Variants in TP53BP2 observed in about 807,000 individuals in gnomAD.
TP53BP2 encodes tumor protein p53 binding protein 2.
Under a neutral mutation model 126.2 loss-of-function variants are expected in TP53BP2, and 62 were observed. That is an observed-to-expected ratio of 0.49 (90% CI 0.40 to 0.61). The LOEUF (loss-of-function observed/expected upper bound fraction) is 0.61, where lower values mean the gene tolerates loss of function less well. Among genes scored for constraint, TP53BP2 ranks in the 20% least tolerant of loss-of-function variants. TP53BP2 has a pLI of 0.00. For synonymous variants in TP53BP2, 485 were observed against 502.9 expected, an observed-to-expected ratio of 0.96 and a Z score of 0.48; for missense variants, 1,215 against 1,402.8, an observed-to-expected ratio of 0.87 and a Z score of 2.14.
At position 223,804,364 on chromosome 1, in the gene TP53BP2, A is replaced by G; in HGVS notation, c.475-16T>C. 6.2e-7 allele frequency: 1 copy of G among 1,610,774 alleles called. No homozygotes were observed. Among genetic ancestry groups the G allele is most frequent in the Non-Finnish European group, 8.5e-7 (1 of 1,178,988 alleles). On this transcript the variant is annotated splice_polypyrimidine_tract_variant and intron_variant, in intron 5 of 17. Transcript: ENST00000343537. Reference sequence around the variant, plus strand: ...AGCGCTGTTCCTAAAAATAAAAGTAATCATTAGGTATGTCATTTTAGGTAA... The same window carrying G: ...AGCGCTGTTCCTAAAAATAAAAGTAGTCATTAGGTATGTCATTTTAGGTAA...
intron 2 of TP53BP2, among the ~76,000 whole-genome samples, chr1:223,814,756 C>T (rs1247646179): frequency 6.6e-6 from 1 of 151,502 alleles, no homozygotes; most frequent in African/African-American, 2.4e-5. Context: ...TAAAAAGCAA[C>T]TTTCTAAATA....
rs1017415035 is a variant in TP53BP2, at chr1:223,780,651, C to T, written c.*202G>A. 1.7e-5 allele frequency: 10 copies of T among 591,096 alleles called. No homozygotes were observed. The highest frequency in any genetic ancestry group is 4.4e-5 in the South Asian group (2 of 45,452). 36.6% of individuals were successfully genotyped at this position (591,096 alleles called of 1,614,324 possible). Reference sequence around the variant, plus strand: ...GCCCCAACACAGTATGGCCTGCTGACGTAGATGCTTTATTTCATCACGCTA... The same window carrying T: ...GCCCCAACACAGTATGGCCTGCTGATGTAGATGCTTTATTTCATCACGCTA... On this transcript the variant is annotated 3_prime_UTR_variant, in exon 18 of 18. Coordinates refer to ENST00000343537, the MANE Select transcript of TP53BP2 (RefSeq NM_001031685.3).
intron 16 of TP53BP2, among the ~76,000 whole-genome samples, chr1:223,786,752 G>A (rs942088590): frequency 2.0e-5 from 3 of 151,430 alleles, no homozygotes; most frequent in South Asian, 2.1e-4. Flanking sequence ...GACTACAGGC[G>A]CCCACCACCA....
intron 3 of TP53BP2, among the ~76,000 whole-genome samples, chr1:223,813,148 C>T (rs1008043824): frequency 6.6e-6 from 1 of 152,082 alleles, no homozygotes; most frequent in African/African-American, 2.4e-5. Context: ...CATCTATAAA[C>T]TCTGGTCACA....
intron 13 of TP53BP2, among the ~76,000 whole-genome samples, chr1:223,794,055 G>C (rs115967863): frequency 2.6e-5 from 4 of 151,954 alleles, no homozygotes; most frequent in African/African-American, 9.7e-5. Context: ...ATGCCTCCTC[G>C]GGGGAAAGCA....
intron 1 of TP53BP2, among the ~76,000 whole-genome samples, chr1:223,840,628 A>G (rs1038539896): frequency 3.9e-5 from 6 of 152,236 alleles, no homozygotes; most frequent in African/African-American, 1.4e-4. Flanking sequence ...ACACTATGGT[A>G]GATCACCAAA....
At chr1:223,795,023 G>C (rs1048798828) in intron 13 of TP53BP2, among the ~76,000 whole-genome samples, 5 of 152,148 alleles carry the variant, frequency 3.3e-5, no homozygotes, top group African/African-American at 1.2e-4. Context: ...AAGCAAAGTG[G>C]CTTCAAATTA....
At chr1:223,817,487 C>G (rs1297906713) in intron 2 of TP53BP2, among the ~76,000 whole-genome samples, 1 of 151,998 alleles carries the variant, frequency 6.6e-6, no homozygotes, top group Admixed American at 6.5e-5. Context: ...CATCCACCCC[C>G]TAGAGAAATG....
intron 9 of TP53BP2, 110 bp from the exon 10 acceptor site, chr1:223,800,920 A>T: frequency 1.5e-6 from 1 of 662,976 alleles, no homozygotes; most frequent in Non-Finnish European, 2.6e-6. Context: ...TTCCAGACTC[A>T]CAACACCCCA....
At chr1:223,807,759 G>A (rs1015089491) in intron 4 of TP53BP2, among the ~76,000 whole-genome samples, 11 of 152,062 alleles carry the variant, frequency 7.2e-5, no homozygotes, top group Non-Finnish European at 1.3e-4. Context: ...TAGGTAAGAT[G>A]TATATACTAA....
chr1:223,797,857 CACAG>C (rs1326285639), intron 12 of TP53BP2, among the ~76,000 whole-genome samples: 1 of 151,928 alleles, frequency 6.6e-6, no homozygotes, highest in African/African-American at 2.4e-5. Flanking sequence ...CACACACACA[CACAG>C]ACAGGGGCAG....
chr1:223,810,254 T>C (rs1376857278), intron 4 of TP53BP2, among the ~76,000 whole-genome samples, 177 bp downstream of exon 4: 4 of 152,232 alleles, frequency 2.6e-5, no homozygotes, highest in Non-Finnish European at 4.4e-5. Flanking sequence ...CTTCTTCCAA[T>C]AGTCAGCCAT....
At chr1:223,788,936 T>C (rs1662060571) in intron 16 of TP53BP2, 72 bp downstream of exon 16, 4 of 1,497,274 alleles carry the variant, frequency 2.7e-6, no homozygotes, top group South Asian at 1.3e-5. Context: ...AAAATACTTA[T>C]TGAATTATAC....
At chr1:223,819,293 C>T (rs1243193281) in intron 2 of TP53BP2, among the ~76,000 whole-genome samples, 1 of 151,908 alleles carries the variant, frequency 6.6e-6, no homozygotes, top group Non-Finnish European at 1.5e-5. Flanking sequence ...TCAAAAGTAT[C>T]AAGGAACAGA....
rs747540452 is a variant in TP53BP2 at position 223,792,469 on chromosome 1, A to G, written c.2916T>C (p.Ala972=). ...NDEGITALHN[A]VCAGHTEIVK... The stretch of plus-strand genomic sequence containing the variant: ...CGATTTCTGTGTGGCCTGCACACAC[A>G]GCATTGTGAAGAGCCGTGATGCCTT... Residue 972 remains alanine, a synonymous_variant, in exon 15 of 18, where the codon GCT becomes GCC. Coordinates refer to ENST00000343537, the MANE Select transcript of TP53BP2 (RefSeq NM_001031685.3). The G allele has an allele frequency of 8.1e-6, 13 of 1,614,086 alleles. No homozygotes were observed. The East Asian group carries it at 2.5e-4, about 30-fold the overall frequency.
intron 1 of TP53BP2, among the ~76,000 whole-genome samples, chr1:223,831,478 A>ATATATATATAT (rs1397956645): frequency 4.6e-5 from 2 of 43,616 alleles, no homozygotes; most frequent in Non-Finnish European, 9.7e-5. Context: ...AAAAAAAAAA[A>ATATATATATAT]AAATATATAT....
chr1:223,811,875 A>G (rs1363707029), intron 3 of TP53BP2, among the ~76,000 whole-genome samples: 6 of 152,214 alleles, frequency 3.9e-5, no homozygotes, highest in Non-Finnish European at 8.8e-5. Context: ...TCTTCAGATT[A>G]TATTTCTCAC....
chr1:223,842,439 T>C (rs962608565), intron 1 of TP53BP2, among the ~76,000 whole-genome samples: 15 of 152,212 alleles, frequency 9.9e-5, no homozygotes, highest in African/African-American at 3.4e-4. Flanking sequence ...ACAGCAAAGA[T>C]ACAGAGCATT....
intron 11 of TP53BP2, 106 bp downstream of exon 11, chr1:223,799,793 G>T (rs937164009): frequency 9.7e-7 from 1 of 1,031,582 alleles, no homozygotes; most frequent in African/African-American, 1.6e-5. Context: ...AATCTCCTAG[G>T]TACATCCTGT....
Sources: gnomAD v4.1 joint callset for allele counts (sites outside exome capture counted in the v4.1 genomes callset) on GRCh38, gnomAD v4.1.1 for gene constraint, MANE v1.5 for transcripts, NCBI Gene and HGNC (gene_info 2026-07-23, HGNC 2026-07-21) for gene names.